Variants in TAMM41 observed in about 807,000 individuals in gnomAD.
TAMM41 encodes the protein TAM41 mitochondrial translocator assembly and maintenance homolog.
In TAMM41, 36 loss-of-function variants were observed where a neutral mutation model predicts 44.1. The observed-to-expected ratio is 0.82, with a 90% CI of 0.63 to 1.08. TAMM41 has a LOEUF of 1.08. Ranked by LOEUF, TAMM41 falls within the 50% of genes least tolerant of loss-of-function variation. The pLI is 0.00. For synonymous variants in TAMM41, 164 were observed against 153.1 expected (o/e 1.07, Z -0.53); for missense variants, 417 against 404.3 (o/e 1.03, Z -0.27).
chr3:11,836,029 AC>A (rs1167369427), intron 3 of TAMM41, among the ~76,000 whole-genome samples: 1 of 143,236 alleles, frequency 7.0e-6, no homozygotes, highest in Non-Finnish European at 1.5e-5. Flanking sequence ...TCGCTGCGTC[AC>A]CTAGGCTGGA....
intron 4 of TAMM41, 24 bp downstream of exon 4, chr3:11,829,690 C>T (rs2078901872): frequency 6.2e-7 from 1 of 1,613,012 alleles, no homozygotes; most frequent in Non-Finnish European, 8.5e-7. Context: ...CCTTGTAGAA[C>T]ATCTGGGCAG....
the TAMM41 span, among the ~76,000 whole-genome samples, chr3:11,735,057 A>C: frequency 1.3e-5 from 2 of 151,722 alleles, no homozygotes; most frequent in African/African-American, 2.4e-5. Context: ...TCAAAAAAAA[A>C]AAAAACAAAA....
At chr3:11,774,880 T>TTTC in the TAMM41 span, among the ~76,000 whole-genome samples, 1 of 151,692 alleles carries the variant, frequency 6.6e-6, no homozygotes, top group Non-Finnish European at 1.5e-5. Flanking sequence ...ATTTTTTTTT[T>TTTC]TTTTTTGAGA....
the TAMM41 span, among the ~76,000 whole-genome samples, chr3:11,764,562 G>A: frequency 3.0e-5 from 4 of 133,842 alleles, no homozygotes; most frequent in African/African-American, 1.2e-4. Flanking sequence ...GCGCGATCTC[G>A]GCTCACTGCA....
At chr3:11,786,283 A>ATT (rs397814541), downstream of TAMM41, among the ~76,000 whole-genome samples, 466 of 126,436 alleles carry the variant, frequency 3.7e-3, 1 homozygote, top group African/African-American at 0.013. Context: ...TTATTTATTT[A>ATT]ATTTTATTAT....
chr3:11,743,195 C>T, the TAMM41 span, among the ~76,000 whole-genome samples: 20 of 152,174 alleles, frequency 1.3e-4, 1 homozygote, highest in Middle Eastern at 3.4e-3. Flanking sequence ...CAGTGAGCTT[C>T]GGGGTCTATA....
At chr3:11,742,556 T>C in the TAMM41 span, among the ~76,000 whole-genome samples, 1 of 149,874 alleles carries the variant, frequency 6.7e-6, no homozygotes, top group Non-Finnish European at 1.5e-5. Flanking sequence ...AACATTTGTG[T>C]ATAAGCTTTT....
intron 7 of TAMM41, among the ~76,000 whole-genome samples, chr3:11,801,432 C>G (rs2077751364): frequency 6.6e-6 from 1 of 152,102 alleles, no homozygotes; most frequent in African/African-American, 2.4e-5. Flanking sequence ...TCAAGTGAGA[C>G]TCCTGCCTCA....
chr3:11,787,144 C>T (rs2077422522), downstream of TAMM41, among the ~76,000 whole-genome samples: 1 of 152,148 alleles, frequency 6.6e-6, no homozygotes, highest in South Asian at 2.1e-4. Context: ...GGGTTGCAAG[C>T]CAAGTGTCCT....
At chr3:11,778,160 T>C in the TAMM41 span, among the ~76,000 whole-genome samples, 1 of 152,186 alleles carries the variant, frequency 6.6e-6, no homozygotes, top group African/African-American at 2.4e-5. Flanking sequence ...TGTGGACATA[T>C]ATTTTCATTT....
the TAMM41 span, among the ~76,000 whole-genome samples, chr3:11,784,796 CTTTTTTTTTT>C: frequency 9.2e-5 from 10 of 109,008 alleles, no homozygotes; most frequent in East Asian, 1.4e-3. Flanking sequence ...CTTTTCTTTT[CTTTTTTTTTT>C]TTTTTTTTTT....
chr3:11,832,764 T>A (rs971559212), intron 3 of TAMM41, among the ~76,000 whole-genome samples: 2 of 152,200 alleles, frequency 1.3e-5, no homozygotes, highest in East Asian at 1.9e-4. Context: ...TCATCACACA[T>A]CCTTCTCAAT....
At chr3:11,747,112 G>C in the TAMM41 span, among the ~76,000 whole-genome samples, 8 of 152,032 alleles carry the variant, frequency 5.3e-5, no homozygotes, top group Admixed American at 3.3e-4. Context: ...ACCCAGGCTG[G>C]AGTGTAGTGG....
At chr3:11,778,603 GT>G in the TAMM41 span, among the ~76,000 whole-genome samples, 6 of 151,896 alleles carry the variant, frequency 4.0e-5, no homozygotes, top group Admixed American at 3.9e-4. Flanking sequence ...AATAACACTT[GT>G]TTTTTTGTCC....
At chr3:11,807,100 G>A (rs773293285) in intron 7 of TAMM41, 26 of 893,290 alleles carry the variant, frequency 2.9e-5, no homozygotes, top group Non-Finnish European at 3.4e-5. Context: ...ACCAAAATGA[G>A]AGTGTGCACC....
chr3:11,801,771 C>T (rs1575614354), intron 7 of TAMM41, among the ~76,000 whole-genome samples: 1 of 152,088 alleles, frequency 6.6e-6, no homozygotes, highest in Non-Finnish European at 1.5e-5. Flanking sequence ...AAATTAACAA[C>T]CTAATGCCAT....
the TAMM41 span, among the ~76,000 whole-genome samples, chr3:11,783,545 G>A: frequency 6.6e-6 from 1 of 152,200 alleles, no homozygotes; most frequent in Non-Finnish European, 1.5e-5. Flanking sequence ...CTGAAACAAT[G>A]TTTTAAGGAA....
chr3:11,751,822 G>C, the TAMM41 span, among the ~76,000 whole-genome samples: 29 of 152,318 alleles, frequency 1.9e-4, no homozygotes, highest in East Asian at 5.6e-3. Context: ...CGTTAATGTG[G>C]AGAATTTTGC....
intron 3 of TAMM41, among the ~76,000 whole-genome samples, chr3:11,832,160 A>T (rs556209025): frequency 2.9e-4 from 44 of 152,330 alleles, no homozygotes; most frequent in African/African-American, 1.0e-3. Context: ...TTAAGGTCCT[A>T]TAAAAACACC....
Sources: allele counts gnomAD v4.1 joint callset (sites outside exome capture counted in the v4.1 genomes callset), GRCh38; gene constraint gnomAD v4.1.1; transcripts MANE v1.5; gene names NCBI Gene and HGNC (gene_info 2026-07-23, HGNC 2026-07-21).